Variants in PRKN observed in about 807,000 individuals in gnomAD.
The protein encoded by PRKN is E3 ubiquitin-protein ligase parkin.
A neutral mutation model predicts 59.5 loss-of-function variants in PRKN; 56 were observed. The ratio of observed to expected loss-of-function variants is 0.94; its 90% CI spans 0.76 to 1.18. The LOEUF (loss-of-function observed/expected upper bound fraction) is 1.18. Among genes scored for constraint, PRKN ranks in the 50% most tolerant of loss-of-function variants. The pLI is 0.00. For missense variants in PRKN, 657 were observed against 596.4 expected, an observed-to-expected ratio of 1.10 and a Z score of -1.06; for synonymous variants, 250 against 222.1, an observed-to-expected ratio of 1.13 and a Z score of -1.12.
At chr6:161,949,921 T>C (rs1029843335) in intron 6 of PRKN, among the ~76,000 whole-genome samples, 15 of 152,336 alleles carry the variant, frequency 9.8e-5, no homozygotes, top group African/African-American at 3.1e-4. Flanking sequence ...TGGTACCAGC[T>C]ATCCCTAACA....
At chr6:161,881,263 A>C (rs895999362) in intron 6 of PRKN, among the ~76,000 whole-genome samples, 7 of 152,220 alleles carry the variant, frequency 4.6e-5, no homozygotes, top group Non-Finnish European at 8.8e-5. Context: ...CAGATGTGGA[A>C]GTTGGAATCC....
intron 1 of PRKN, among the ~76,000 whole-genome samples, chr6:162,708,504 G>A (rs1282091992): frequency 2.0e-5 from 3 of 152,160 alleles, no homozygotes; most frequent in Admixed American, 1.3e-4. Context: ...TGCTTCCTTT[G>A]AAACAACCTA....
chr6:161,785,870 A>C lies in PRKN; in HGVS notation c.773T>G (p.Val258Gly). Residue 258 changes from valine to glycine, a missense_variant, in exon 7 of 12, where the codon GTG becomes GGG. Val to Gly is a moderately radical substitution (Grantham distance 109). Coordinates refer to ENST00000366898, the MANE Select transcript of PRKN (RefSeq NM_004562.3). ...TAAGTGGAAACAGTCTAAGCAAATC[A>C]CGTGGCGGGAGTTGCACTGGAAAAC... ...VLVFQCNSRH[V>G]ICLDCFHLYC... The C allele has an allele frequency of 6.2e-7, 1 of 1,614,080 alleles. No individual in the cohort carries two copies. The highest frequency in any genetic ancestry group is 2.2e-5 in the East Asian group (1 of 44,872).
rs1791509356 is a variant in PRKN, at chr6:161,483,420, T to A, written c.1083+65434A>T. ...TGAAAGGCTTGTCATGCGTAAGTGC[T>A]AATTAGCCCCAGGATGCTTGCCTTC... On this transcript the variant is annotated intron_variant, in intron 9 of 11. Coordinates refer to ENST00000366898, the MANE Select transcript of PRKN (RefSeq NM_004562.3). This position sits in a 1 kb window ranked among gnomAD's most constrained non-coding sequence, Gnocchi z 5.0. 6.6e-6 allele frequency among the ~76,000 whole-genome samples: 1 copy of A among 152,168 alleles called. No individual in the cohort carries two copies. Among genetic ancestry groups the A allele is most frequent in the African/African-American group, 2.4e-5 (1 of 41,446 alleles).
At chr6:162,410,304 A>G (rs6455824) in intron 2 of PRKN, among the ~76,000 whole-genome samples, 123,982 of 151,966 alleles carry the variant, frequency 0.82, 51,283 homozygotes, top group African/African-American at 0.95. Context: ...TCAGTTCCCC[A>G]CCCTGACCAG....
At chr6:162,486,129 C>G (rs1236576855) in intron 1 of PRKN, among the ~76,000 whole-genome samples, 1 of 152,168 alleles carries the variant, frequency 6.6e-6, no homozygotes, top group Non-Finnish European at 1.5e-5. Flanking sequence ...ACCCAACCCC[C>G]TCCTAATTCC....
intron 7 of PRKN, among the ~76,000 whole-genome samples, chr6:161,755,797 G>A (rs1197590361): frequency 6.6e-6 from 1 of 152,046 alleles, no homozygotes; most frequent in Non-Finnish European, 1.5e-5. Flanking sequence ...TGTGCTGTTG[G>A]CTGGCTGTCT....
At chr6:161,972,101 C>G (rs199926576) in intron 6 of PRKN, among the ~76,000 whole-genome samples, 1 of 151,926 alleles carries the variant, frequency 6.6e-6, no homozygotes, top group Non-Finnish European at 1.5e-5. Context: ...TGAAGAAACC[C>G]CCGTCTCTAC....
chr6:161,777,661 A>T (rs1197725261), intron 7 of PRKN, among the ~76,000 whole-genome samples: 1 of 130,150 alleles, frequency 7.7e-6, no homozygotes, highest in East Asian at 2.2e-4. Flanking sequence ...TATATATATT[A>T]TATATATGAG....
chr6:162,012,613 G>A (rs1782775478), intron 5 of PRKN, among the ~76,000 whole-genome samples: 1 of 152,040 alleles, frequency 6.6e-6, no homozygotes, highest in Non-Finnish European at 1.5e-5. Flanking sequence ...CTGATAGAAT[G>A]CTGTTACCTT....
intron 6 of PRKN, among the ~76,000 whole-genome samples, chr6:161,851,893 C>T (rs1433276503): frequency 1.3e-5 from 2 of 151,274 alleles, no homozygotes; most frequent in African/African-American, 2.4e-5. Flanking sequence ...TTGAGACCAG[C>T]CTGGCCAACA....
At chr6:161,539,062 C>A (rs1264766735) in intron 9 of PRKN, among the ~76,000 whole-genome samples, 1 of 152,206 alleles carries the variant, frequency 6.6e-6, no homozygotes, top group Non-Finnish European at 1.5e-5. Flanking sequence ...TCTGCCCTTA[C>A]CCCCAAGGGG....
intron 4 of PRKN, among the ~76,000 whole-genome samples, chr6:162,100,367 T>G (rs1348588912): frequency 6.6e-6 from 1 of 152,152 alleles, no homozygotes; most frequent in East Asian, 1.9e-4. Context: ...CTGTACCAAT[T>G]TACATTCCCA....
chr6:162,213,205 A>G (rs1490054221), intron 3 of PRKN, among the ~76,000 whole-genome samples: 1 of 152,186 alleles, frequency 6.6e-6, no homozygotes, highest in Non-Finnish European at 1.5e-5. Context: ...AAACAGAAGA[A>G]TATTAAAAAC....
At chr6:161,940,777 A>G (rs1027555767) in intron 6 of PRKN, among the ~76,000 whole-genome samples, 1 of 152,204 alleles carries the variant, frequency 6.6e-6, no homozygotes, top group South Asian at 2.1e-4. Flanking sequence ...AAGAAGGTAC[A>G]TTCAGGCTCC....
intron 1 of PRKN, among the ~76,000 whole-genome samples, chr6:162,657,670 A>G (rs1332626512): frequency 6.6e-6 from 1 of 152,172 alleles, no homozygotes; most frequent in Non-Finnish European, 1.5e-5. Context: ...GAAAGAAAAC[A>G]CCTGTAATAA....
At chr6:162,090,998 G>T (rs1483024195) in intron 4 of PRKN, among the ~76,000 whole-genome samples, 2 of 152,116 alleles carry the variant, frequency 1.3e-5, no homozygotes, top group Non-Finnish European at 2.9e-5. Flanking sequence ...TAGCAACCAT[G>T]TGGCTTCACT....
intron 4 of PRKN, among the ~76,000 whole-genome samples, chr6:162,087,820 G>A (rs1017246023): frequency 3.3e-5 from 5 of 151,824 alleles, no homozygotes; most frequent in South Asian, 4.2e-4. Flanking sequence ...TCTCGATCTC[G>A]TGACCTCGTG....
At chr6:162,302,595 T>C (rs140552822) in intron 2 of PRKN, among the ~76,000 whole-genome samples, 48 of 152,220 alleles carry the variant, frequency 3.2e-4, no homozygotes, top group African/African-American at 1.1e-3. Context: ...AATTGAATTC[T>C]GCCACAGCTA....
Sources: gnomAD v4.1 joint callset for allele counts (sites outside exome capture counted in the v4.1 genomes callset) on GRCh38, gnomAD v4.1.1 for gene constraint, Gnocchi (gnomAD v3.1) non-coding constraint, MANE v1.5 for transcripts, NCBI Gene and HGNC (gene_info 2026-07-23, HGNC 2026-07-21) for gene names.